Variants in MYO6 observed in about 807,000 individuals in gnomAD.
The protein encoded by MYO6 is unconventional myosin-VI.
In MYO6, 74 loss-of-function variants were observed where a neutral mutation model predicts 178.7. The ratio of observed to expected loss-of-function variants is 0.41; its 90% confidence interval spans 0.34 to 0.50. The LOEUF is 0.50. Ranked by LOEUF, MYO6 falls within the 20% of genes least tolerant of loss-of-function variation. The probability of loss-of-function intolerance (pLI) is 0.09; values close to 1 mark genes in which losing one functional copy is unlikely to be tolerated. For missense variants in MYO6, 1,330 were observed against 1,547.4 expected, an observed-to-expected ratio of 0.86 and a Z score of 2.36; for synonymous variants, 477 against 504.6, an observed-to-expected ratio of 0.95 and a Z score of 0.73.
chr6:75,830,007 A>G (rs1208163989), intron 4 of MYO6, among the ~76,000 whole-genome samples: 2 of 152,206 alleles, frequency 1.3e-5, no homozygotes, highest in Non-Finnish European at 2.9e-5. Context: ...ACTTAGCGGT[A>G]GGAGATTTCA....
intron 1 of MYO6, among the ~76,000 whole-genome samples, chr6:75,797,491 A>T (rs765478177): frequency 2.0e-5 from 3 of 151,970 alleles, no homozygotes; most frequent in Admixed American, 6.6e-5. Flanking sequence ...CCAGTCATGT[A>T]ATTGCTGGGT....
intron 32 of MYO6, among the ~76,000 whole-genome samples, chr6:75,909,701 G>A (rs550429745): frequency 1.3e-5 from 2 of 152,220 alleles, no homozygotes; most frequent in South Asian, 2.1e-4. Flanking sequence ...CAATTTATTC[G>A]CTTAATTCTG....
chr6:75,861,449 G>T (rs1364110075), intron 15 of MYO6, among the ~76,000 whole-genome samples: 1 of 152,180 alleles, frequency 6.6e-6, no homozygotes, highest in Non-Finnish European at 1.5e-5. Context: ...GTTTGTCAGG[G>T]TTTGCCCTGC....
chr6:75,805,021 A>ATATATATATATATATATATT (rs1252912172), intron 1 of MYO6, among the ~76,000 whole-genome samples: 1 of 77,312 alleles, frequency 1.3e-5, no homozygotes, highest in Non-Finnish European at 2.0e-5. Flanking sequence ...ATATATATAT[A>ATATATATATATATATATATT]TTTTTTTTTT....
rs386407605 is a variant in MYO6, at chr6:75,865,355, C to CTTTTTTTTT, written c.1675-1153_1675-1145dup. Reference sequence around the variant, plus strand: ...GTAGACTCTCAATTTTAAATGATGTCTTTTTTTTTTTTTTTTTTTTTTTTT... The same window carrying CTTTTTTTTT: ...GTAGACTCTCAATTTTAAATGATGTCTTTTTTTTTTTTTTTTTTTTTTTTTTTTTTTTTT... On this transcript the variant is annotated intron_variant, in intron 16 of 34. Transcript: ENST00000369977. 4.6e-4 allele frequency: 30 copies of CTTTTTTTTT among 64,870 alleles called. 2 individuals carry two copies. The highest frequency in any genetic ancestry group is 1.6e-3 in the African/African-American group (29 of 18,360). 4.0% of individuals were successfully genotyped at this position (64,870 alleles called of 1,614,324 possible). A position where few individuals can be genotyped will look rare whatever the true frequency, so the allele number is the denominator to read the frequency against.
rs768551729 is a variant in MYO6 at position 75,879,809 on chromosome 6, C to T, written c.2078-11C>T. On this transcript the variant is annotated splice_polypyrimidine_tract_variant and intron_variant, in intron 20 of 34. Coordinates refer to ENST00000369977, the MANE Select transcript of MYO6 (RefSeq NM_004999.4). ...TGATTGACAGTGCTTTGTGCTTGTT[C>T]GTGAATCTAGGGATGGTGTCTGTTT... The T allele has an allele frequency of 7.1e-5, 114 of 1,613,916 alleles. No individual in the cohort carries two copies. The highest frequency in any genetic ancestry group is 1.5e-4 in the South Asian group (14 of 91,062).
At chr6:75,865,353 G>GTTTTTTTTTTTT (rs1476460446) in intron 16 of MYO6, 1 of 87,824 alleles carries the variant, frequency 1.1e-5, no homozygotes, top group African/African-American at 3.9e-5. Context: ...TTTAAATGAT[G>GTTTTTTTTTTTT]TCTTTTTTTT....
At chr6:75,764,389 T>C (rs1025320699) in intron 1 of MYO6, among the ~76,000 whole-genome samples, 1 of 152,118 alleles carries the variant, frequency 6.6e-6, no homozygotes, top group African/African-American at 2.4e-5. Flanking sequence ...TTGTCTGGAG[T>C]GCACTTTTCT....
At position 75,887,934 on chromosome 6, in the gene MYO6, G is replaced by A. The variant is rs371802821; in HGVS notation, c.2658+940G>A. Reference sequence around the variant, plus strand: ...GCGGAGCTTGCAGTGAGCCGAGATCGCGCCACTGCACTCCAGCCTGGGTGA... The same window carrying A: ...GCGGAGCTTGCAGTGAGCCGAGATCACGCCACTGCACTCCAGCCTGGGTGA... On this transcript the variant is annotated intron_variant, in intron 25 of 34. Transcript: ENST00000369977. Among the ~76,000 whole-genome samples, 31 of 151,838 alleles carry A rather than the reference G, an allele frequency of 2.0e-4. 1 individual carries two copies. The East Asian group carries it at 4.5e-3, about 22-fold the overall frequency.
intron 22 of MYO6, among the ~76,000 whole-genome samples, chr6:75,881,430 C>T (rs567578476): frequency 7.1e-6 from 1 of 140,060 alleles, no homozygotes; most frequent in South Asian, 2.6e-4. Context: ...TCATCCCCCC[C>T]CCCCACTTTT....
In MYO6 at chr6:75,787,676, TTC is replaced by T. The variant is rs765565236; in HGVS notation, c.-47-29771_-47-29770del. ...ATATATATATGGGGGAATGGAACTATTCTCTCTCTCTCTCTCTCTCTCTCTCT... is the reference window on the plus strand; with the variant it reads ...ATATATATATGGGGGAATGGAACTATTCTCTCTCTCTCTCTCTCTCTCTCT... On this transcript the variant is annotated intron_variant, in intron 1 of 34. Transcript: ENST00000369977. Among the ~76,000 whole-genome samples the T allele has an allele frequency of 3.3e-3, 83 of 24,980 alleles. 2 individuals are homozygous for T. Among genetic ancestry groups the T allele is most frequent in the African/African-American group, 4.0e-3 (17 of 4,280 alleles). The allele number at this position is 24,980 out of a possible 152,430, so 16.4% of individuals were successfully genotyped here. A position where few individuals can be genotyped will look rare whatever the true frequency, so the allele number is the denominator to read the frequency against.
chr6:75,890,677 G>GA (rs1452883118), intron 26 of MYO6, among the ~76,000 whole-genome samples: 1 of 152,074 alleles, frequency 6.6e-6, no homozygotes, highest in Non-Finnish European at 1.5e-5. Context: ...TTATTTTAAT[G>GA]AACTAATTTT....
intron 1 of MYO6, among the ~76,000 whole-genome samples, chr6:75,805,211 A>G (rs1468060176): frequency 1.3e-5 from 2 of 151,146 alleles, no homozygotes; most frequent in Admixed American, 6.6e-5. Flanking sequence ...TTTAGGAGCA[A>G]TGGGGTTTCA....
At chr6:75,763,183 C>CA (rs1778103510) in intron 1 of MYO6, among the ~76,000 whole-genome samples, 1 of 151,964 alleles carries the variant, frequency 6.6e-6, no homozygotes, top group African/African-American at 2.4e-5. Flanking sequence ...CCTGCCACGC[C>CA]TGGTTAATTC....
chr6:75,878,742 C>T (rs186493700), intron 20 of MYO6, among the ~76,000 whole-genome samples: 73 of 152,198 alleles, frequency 4.8e-4, no homozygotes, highest in African/African-American at 1.7e-3. Context: ...AATGGCTTGC[C>T]GTTTGTCATA....
chr6:75,918,699 T>TTC lies in MYO6; in HGVS notation c.*3689_*3690dup, dbSNP rs1211047123. 1 of 152,258 alleles carries TTC rather than the reference T, an allele frequency of 6.6e-6. No individual in the cohort carries two copies. The highest frequency in any genetic ancestry group is 2.4e-5 in the African/African-American group (1 of 41,464). 9.4% of individuals were successfully genotyped at this position (152,258 alleles called of 1,614,324 possible). On this transcript the variant is annotated 3_prime_UTR_variant, in exon 35 of 35. Transcript: ENST00000369977. ...CTTTAGTTCAATTCAAATCACTGTATTCTTTCCCCATTGCTAACCTAATAT... is the reference window on the plus strand; with the variant it reads ...CTTTAGTTCAATTCAAATCACTGTATTCTCTTTCCCCATTGCTAACCTAATAT...
chr6:75,849,002 T>C (rs1049151622), intron 11 of MYO6, among the ~76,000 whole-genome samples: 2 of 152,176 alleles, frequency 1.3e-5, no homozygotes, highest in East Asian at 1.9e-4. Flanking sequence ...CTTATGCAGA[T>C]TGAAAAGAGT....
intron 32 of MYO6, 43 bp from the exon 33 acceptor site, chr6:75,911,629 T>C (rs1582010662): frequency 6.5e-7 from 1 of 1,549,680 alleles, no homozygotes; most frequent in East Asian, 2.2e-5. Flanking sequence ...TTAACAGTTT[T>C]GGCATTTTTA....
intron 1 of MYO6, among the ~76,000 whole-genome samples, chr6:75,816,894 T>C (rs954403617): frequency 2.6e-5 from 4 of 152,148 alleles, no homozygotes; most frequent in Admixed American, 2.6e-4. Context: ...AAAACTATCA[T>C]TGTTTGCTTC....
Sources: allele counts gnomAD v4.1 joint callset (sites outside exome capture counted in the v4.1 genomes callset), GRCh38; gene constraint gnomAD v4.1.1; transcripts MANE v1.5; gene names NCBI Gene and HGNC (gene_info 2026-07-23, HGNC 2026-07-21).